The following PPM1H variants were observed in gnomAD, a reference collection of about 807,000 sequenced individuals.
The protein encoded by PPM1H is protein phosphatase 1H.
In PPM1H, 27 loss-of-function variants were observed where a neutral mutation model predicts 54.9. The ratio of observed to expected loss-of-function variants is 0.49; its 90% CI spans 0.36 to 0.68. The LOEUF (loss-of-function observed/expected upper bound fraction) is 0.68, where lower values mean the gene tolerates loss of function less well. Ranked by LOEUF, PPM1H falls within the 30% of genes least tolerant of loss-of-function variation. The pLI, the probability that PPM1H is intolerant of heterozygous loss-of-function variation, is 0.00. For missense variants in PPM1H, 596 were observed against 667.8 expected (o/e 0.89, Z 1.19); for synonymous variants, 305 against 270.8 (o/e 1.13, Z -1.24).
At chr12:62,847,522 A>C (rs1869019854) in intron 1 of PPM1H, among the ~76,000 whole-genome samples, 1 of 152,200 alleles carries the variant, frequency 6.6e-6, no homozygotes, top group Admixed American at 6.5e-5. Context: ...TGTTGACTTC[A>C]GGGGAGAAAT....
At chr12:62,707,940 A>G (rs1406221742) in intron 6 of PPM1H, among the ~76,000 whole-genome samples, 1 of 152,212 alleles carries the variant, frequency 6.6e-6, no homozygotes, top group African/African-American at 2.4e-5. Context: ...GGCTGATCCC[A>G]TCTCAGCAGA....
intron 6 of PPM1H, among the ~76,000 whole-genome samples, chr12:62,700,812 G>A (rs1348467094): frequency 6.6e-6 from 1 of 152,140 alleles, no homozygotes; most frequent in Non-Finnish European, 1.5e-5. Context: ...TTACCCTACT[G>A]AAACCCATCA....
At chr12:62,852,221 T>G (rs1194619252) in intron 1 of PPM1H, among the ~76,000 whole-genome samples, 1 of 117,692 alleles carries the variant, frequency 8.5e-6, no homozygotes, top group African/African-American at 3.6e-5. Flanking sequence ...AGAGCGAGAC[T>G]CTGTCTCAAA....
chr12:62,718,881 A>G (rs904331792), intron 6 of PPM1H, among the ~76,000 whole-genome samples: 1 of 152,234 alleles, frequency 6.6e-6, no homozygotes, highest in Non-Finnish European at 1.5e-5. Context: ...TGATAAATCC[A>G]TTCATATTTT....
In PPM1H at chr12:62,782,156, C is replaced by T. The variant is rs578244848; in HGVS notation, c.869+6070G>A. On this transcript the variant is annotated intron_variant, in intron 4 of 9. Coordinates refer to ENST00000228705, the MANE Select transcript of PPM1H (RefSeq NM_020700.2). ...CTAACAGAGCAGGAGCTCACTGGCA[C>T]GTGTGGATAGATGAACCACTTATTA... 2.2e-4 allele frequency among the ~76,000 whole-genome samples: 33 copies of T among 152,248 alleles called. No individual in the cohort carries two copies. In the South Asian group the frequency reaches 3.3e-3, roughly 15 times the overall value.
At chr12:62,687,332 A>G (rs1163997883) in intron 8 of PPM1H, among the ~76,000 whole-genome samples, 2 of 152,206 alleles carry the variant, frequency 1.3e-5, no homozygotes, top group African/African-American at 4.8e-5. Flanking sequence ...TCATGGCACA[A>G]TCATGGCTCA....
At position 62,648,596 on chromosome 12, in the gene PPM1H, C is replaced by T. The variant is rs925188063; in HGVS notation, c.1438G>A (p.Gly480Ser). The T allele has an allele frequency of 1.2e-6, 2 of 1,613,992 alleles. No individual in the cohort carries two copies. The highest frequency in any genetic ancestry group is 1.7e-6 in the Non-Finnish European group (2 of 1,179,894). ...AAQDLVMRAR[G>S]VLKDRGWRIS... Reference sequence around the variant, plus strand: ...CGCCATCCTCTGTCCTTCAGCACACCCCGGGCACGCATCACCAGGTCCTGA... The same window carrying T: ...CGCCATCCTCTGTCCTTCAGCACACTCCGGGCACGCATCACCAGGTCCTGA... Residue 480 changes from glycine to serine, a missense_variant, in exon 10 of 10, where the codon GGT becomes AGT. This residue lies in a region of PPM1H where 208 missense variants were observed against 259.5 expected (regional missense o/e 0.80). Transcript: ENST00000228705.
chr12:62,923,130 A>G (rs1227804580), intron 1 of PPM1H, among the ~76,000 whole-genome samples: 1 of 152,162 alleles, frequency 6.6e-6, no homozygotes, highest in Non-Finnish European at 1.5e-5. Context: ...TTCTCAACTG[A>G]GGATGTCAAA....
chr12:62,889,708 C>T (rs1870717147), intron 1 of PPM1H, among the ~76,000 whole-genome samples: 1 of 152,056 alleles, frequency 6.6e-6, no homozygotes, highest in Admixed American at 6.6e-5. Context: ...CGTGCTGGAA[C>T]AACTAGAAAT....
chr12:62,884,923 T>C (rs1870532826), intron 1 of PPM1H, among the ~76,000 whole-genome samples: 1 of 152,112 alleles, frequency 6.6e-6, no homozygotes, highest in Non-Finnish European at 1.5e-5. Flanking sequence ...TGAGGGTGTA[T>C]TAGTCTATTT....
At chr12:62,743,401 C>T (rs541581113) in intron 4 of PPM1H, among the ~76,000 whole-genome samples, 47 of 152,160 alleles carry the variant, frequency 3.1e-4, no homozygotes, top group African/African-American at 1.1e-3. Context: ...ATATTAGCTA[C>T]ATGAGAGGAT....
At chr12:62,698,790 TG>T (rs144070477) in intron 6 of PPM1H, among the ~76,000 whole-genome samples, 7,912 of 152,170 alleles carry the variant, frequency 0.052, 531 homozygotes, top group African/African-American at 0.15. Context: ...GACCTGAGAA[TG>T]TTTTTTTTGG....
At chr12:62,923,038 T>C (rs1871851071) in intron 1 of PPM1H, among the ~76,000 whole-genome samples, 1 of 152,058 alleles carries the variant, frequency 6.6e-6, no homozygotes, top group East Asian at 1.9e-4. Flanking sequence ...ATCAACTGAG[T>C]GAGCATTTGC....
At chr12:62,865,552 T>C (rs1869745664) in intron 1 of PPM1H, among the ~76,000 whole-genome samples, 1 of 152,166 alleles carries the variant, frequency 6.6e-6, no homozygotes, top group Non-Finnish European at 1.5e-5. Flanking sequence ...TAAAATCTCT[T>C]CTAGATTATT....
chr12:62,787,156 C>G (rs1050391535), intron 4 of PPM1H, among the ~76,000 whole-genome samples: 3 of 152,042 alleles, frequency 2.0e-5, no homozygotes, highest in African/African-American at 7.2e-5. Context: ...TCTTGATTGC[C>G]TCAAGGGAAT....
At chr12:62,814,053 G>T (rs1454104756) in intron 2 of PPM1H, among the ~76,000 whole-genome samples, 1 of 151,950 alleles carries the variant, frequency 6.6e-6, no homozygotes, top group Non-Finnish European at 1.5e-5. Flanking sequence ...ATCAATAAAT[G>T]ATCAATAAAT....
At chr12:62,670,994 C>T (rs548667603) in intron 8 of PPM1H, among the ~76,000 whole-genome samples, 3 of 152,238 alleles carry the variant, frequency 2.0e-5, no homozygotes, top group Non-Finnish European at 2.9e-5. Context: ...TGGACTGCCG[C>T]GCAAGTCATC....
chr12:62,921,019 G>C (rs1871782500), intron 1 of PPM1H, among the ~76,000 whole-genome samples: 1 of 151,844 alleles, frequency 6.6e-6, no homozygotes, highest in South Asian at 2.1e-4. Flanking sequence ...CCACTTCCCG[G>C]GTTCAAGCAA....
chr12:62,926,578 C>T (rs1381435359), intron 1 of PPM1H, among the ~76,000 whole-genome samples: 1 of 152,032 alleles, frequency 6.6e-6, no homozygotes, highest in Non-Finnish European at 1.5e-5. Context: ...CAAGGGTGAA[C>T]AGCCTTAAAA....
Sources: gnomAD v4.1 joint callset for allele counts (sites outside exome capture counted in the v4.1 genomes callset) on GRCh38, gnomAD v4.1.1 for gene constraint, gnomAD v4.1.1 regional missense constraint, MANE v1.5 for transcripts, NCBI Gene and HGNC (gene_info 2026-07-23, HGNC 2026-07-21) for gene names.